The following PCDHGB5 variants were observed in gnomAD, a reference collection of about 807,000 sequenced individuals.
PCDHGB5 encodes the protein protocadherin gamma-B5.
In PCDHGB5, 48 loss-of-function variants were observed where a neutral mutation model predicts 62.9. The observed-to-expected ratio is 0.76, with a 90% CI of 0.61 to 0.97. The LOEUF (loss-of-function observed/expected upper bound fraction) is 0.97. Ranked by LOEUF, PCDHGB5 falls within the 50% of genes least tolerant of loss-of-function variation. The pLI is 0.00. For synonymous variants in PCDHGB5, 474 were observed against 511.2 expected (o/e 0.93, Z 0.98); for missense variants, 1,118 against 1,198.6 (o/e 0.93, Z 0.99).
At chr5:141,415,740 G>GTTTTTTTTTTTTTTTTT (rs57426385) in intron 1 of PCDHGB5, 21 of 625,042 alleles carry the variant, frequency 3.4e-5, no homozygotes, top group African/African-American at 7.5e-5. Flanking sequence ...GTTTATTAAG[G>GTTTTTTTTTTTTTTTTT]TTTTTTTTTT....
At position 141,502,487 on chromosome 5, in the gene PCDHGB5, C is replaced by T. The variant is rs563658817; in HGVS notation, c.2457-2906C>T. ...TACTTCCCGCAGCATCACACTGGGACTCATCTAACGTCGGCCTGTCCCACT... is the reference window on the plus strand; with the variant it reads ...TACTTCCCGCAGCATCACACTGGGATTCATCTAACGTCGGCCTGTCCCACT... On this transcript the variant is annotated intron_variant, in intron 2 of 3. Coordinates refer to ENST00000617380, the MANE Select transcript of PCDHGB5 (RefSeq NM_018925.3). Among the ~76,000 whole-genome samples, 92 of 152,298 alleles carry T rather than the reference C, an allele frequency of 6.0e-4. 3 individuals are homozygous for T. The highest frequency in any genetic ancestry group is 1.5e-4 in the Non-Finnish European group (10 of 68,030).
intron 1 of PCDHGB5, among the ~76,000 whole-genome samples, chr5:141,456,703 G>T (rs528071544): frequency 1.3e-5 from 2 of 152,062 alleles, no homozygotes; most frequent in Non-Finnish European, 2.9e-5. Context: ...GGTGGCTCGC[G>T]CCTGTAATCC....
At chr5:141,418,898 A>G (rs768409383) in intron 1 of PCDHGB5, 2 of 1,614,016 alleles carry the variant, frequency 1.2e-6, no homozygotes, top group South Asian at 2.2e-5. Flanking sequence ...CAGCCCAGAA[A>G]TAATCATCAC....
In PCDHGB5 at chr5:141,421,099, G is replaced by A. The variant is rs941392242; in HGVS notation, c.2397+20575G>A. ...GATACTCACAGATCCTGACACTGGA[G>A]ACTTAGAAGTATTTTCCTTCGCTTT... is the stretch of plus-strand genomic sequence containing the variant. On this transcript the variant is annotated intron_variant, in intron 1 of 3. Coordinates refer to ENST00000617380, the MANE Select transcript of PCDHGB5 (RefSeq NM_018925.3). 1.2e-5 allele frequency: 8 copies of A among 680,384 alleles called. No individual in the cohort carries two copies. In the Admixed American group the frequency reaches 1.2e-4, roughly 11 times the overall value. 42.1% of individuals were successfully genotyped at this position (680,384 alleles called of 1,614,324 possible).
rs978973236 is a variant in PCDHGB5, at chr5:141,399,545, C to G, written c.1418C>G (p.Ser473Trp). 8 of 1,614,050 alleles carry G rather than the reference C, an allele frequency of 5.0e-6. No homozygotes were observed. In the South Asian group the frequency reaches 6.6e-5, roughly 13 times the overall value. ...GCCTCCATCGCGCAAGTCTGCGCCT[C>G]GGACCTGGACTTGGGGTTGAACGGC... The part of the protein sequence containing the change: ...PGASIAQVCA[S>W]DLDLGLNGQV... Residue 473 changes from serine (S) to tryptophan (W), a missense_variant, in exon 1 of 4, where the codon TCG (serine) becomes TGG (tryptophan). Ser to Trp is a radical substitution (Grantham distance 177). This residue lies in a region of PCDHGB5 where 1,034 missense variants were observed against 1,029.1 expected (regional missense o/e 1.00). Transcript: ENST00000617380.
chr5:141,403,388 G>A (rs1376620471), intron 1 of PCDHGB5: 1 of 1,613,904 alleles, frequency 6.2e-7, no homozygotes, highest in African/African-American at 1.3e-5. Context: ...TAACGAAATC[G>A]CGGTTCCTGG....
rs748457785 is a variant in PCDHGB5 at position 141,489,197 on chromosome 5, A to G, written c.2398-5610A>G. On this transcript the variant is annotated intron_variant, in intron 1 of 3. Coordinates refer to ENST00000617380, the MANE Select transcript of PCDHGB5 (RefSeq NM_018925.3). This position sits in a 1 kb window ranked among gnomAD's most constrained non-coding sequence, Gnocchi z 4.5. ...TCCAAGCCCTGGGTCTACCTTGGAG[A>G]CAGGACAGCACAGACTTACTCTCCA... 7 of 1,391,050 alleles carry G rather than the reference A, an allele frequency of 5.0e-6. No individual in the cohort carries two copies. Among genetic ancestry groups the G allele is most frequent in the African/African-American group, 2.9e-5 (2 of 69,150 alleles). 86.2% of individuals were successfully genotyped at this position (1,391,050 alleles called of 1,614,324 possible).
At position 141,491,733 on chromosome 5, in the gene PCDHGB5, TGGGGGCGGCAC is replaced by T; in HGVS notation, c.2398-3073_2398-3063del. 1.9e-6 allele frequency: 3 copies of T among 1,602,698 alleles called. No individual in the cohort carries two copies. The highest frequency in any genetic ancestry group is 2.6e-6 in the Non-Finnish European group (3 of 1,175,258). On this transcript the variant is annotated intron_variant, in intron 1 of 3. Coordinates refer to ENST00000617380, the MANE Select transcript of PCDHGB5 (RefSeq NM_018925.3). The surrounding 1 kb of genome is among the most constrained non-coding windows in gnomAD (Gnocchi z 6.9). ...GCTCGGCGCCGCCCCGGGCGACCCC[TGGGGGCGGCAC>T]TGGAGAAGCCGCCCGTCCTCATAAG...
In PCDHGB5 at chr5:141,490,745, C is replaced by T. The variant is rs769031787; in HGVS notation, c.2398-4062C>T. 22 of 1,614,120 alleles carry T rather than the reference C, an allele frequency of 1.4e-5. No individual in the cohort carries two copies. Among genetic ancestry groups the T allele is most frequent in the Non-Finnish European group, 1.9e-5 (22 of 1,180,050 alleles). On this transcript the variant is annotated intron_variant, in intron 1 of 3. Transcript: ENST00000617380. The surrounding 1 kb of genome is among the most constrained non-coding windows in gnomAD (Gnocchi z 5.4). Reference sequence around the variant, plus strand: ...GTAGGAAATCAGGTTCAGGGAGCCCCAGCCTCCTCCTTTGTGTATGTCAAC... The same window carrying T: ...GTAGGAAATCAGGTTCAGGGAGCCCTAGCCTCCTCCTTTGTGTATGTCAAC...
intron 1 of PCDHGB5, among the ~76,000 whole-genome samples, chr5:141,454,252 A>T (rs1288181537): frequency 6.6e-6 from 1 of 152,214 alleles, no homozygotes; most frequent in Non-Finnish European, 1.5e-5. Context: ...AAGATGTCCC[A>T]GAGAAAGTAA....
chr5:141,448,945 A>G (rs1288079348), intron 1 of PCDHGB5, among the ~76,000 whole-genome samples: 1 of 151,716 alleles, frequency 6.6e-6, no homozygotes, highest in Non-Finnish European at 1.5e-5. Context: ...ACTGCAACTC[A>G]AAAAAACAAA....
At position 141,431,213 on chromosome 5, in the gene PCDHGB5, T is replaced by A; in HGVS notation, c.2397+30689T>A. 6.2e-7 allele frequency: 1 copy of A among 1,614,142 alleles called. No individual in the cohort carries two copies. The highest frequency in any genetic ancestry group is 8.5e-7 in the Non-Finnish European group (1 of 1,180,038). On this transcript the variant is annotated intron_variant, in intron 1 of 3. Coordinates refer to ENST00000617380, the MANE Select transcript of PCDHGB5 (RefSeq NM_018925.3). The surrounding 1 kb of genome is among the most constrained non-coding windows in gnomAD (Gnocchi z 4.8). ...TGAAAATGCAGCCACTGAGATGCGG[T>A]TCCCTCTACCCCACGCCTGGGATCC...
At chr5:141,510,509 C>G (rs146315792) in intron 3 of PCDHGB5, among the ~76,000 whole-genome samples, 13 of 152,204 alleles carry the variant, frequency 8.5e-5, no homozygotes, top group Non-Finnish European at 1.6e-4. Flanking sequence ...ACTGAGAGCC[C>G]GTGTCACAGC....
intron 1 of PCDHGB5, among the ~76,000 whole-genome samples, chr5:141,451,391 T>C (rs928399948): frequency 6.6e-6 from 1 of 152,162 alleles, no homozygotes; most frequent in Non-Finnish European, 1.5e-5. Context: ...ACATAGTTAA[T>C]GGCAAAATTA....
At chr5:141,446,642 A>T (rs939365233) in intron 1 of PCDHGB5, among the ~76,000 whole-genome samples, 2 of 151,970 alleles carry the variant, frequency 1.3e-5, no homozygotes, top group Admixed American at 1.3e-4. Flanking sequence ...ACGCCTGGCT[A>T]ATTTTTGTAT....
rs186109113 is a variant in PCDHGB5, at chr5:141,415,284, G to C, written c.2397+14760G>C. ...TGTACCTGGTGGTAGCGGTGGCCGCGGTCTCCTGCGTCTTCCTGGCCTTCG... is the reference window on the plus strand; with the variant it reads ...TGTACCTGGTGGTAGCGGTGGCCGCCGTCTCCTGCGTCTTCCTGGCCTTCG... On this transcript the variant is annotated intron_variant, in intron 1 of 3. Transcript: ENST00000617380. 4,314 of 1,614,198 alleles carry C rather than the reference G, an allele frequency of 2.7e-3. 11 individuals are homozygous for C. The highest frequency in any genetic ancestry group is 7.3e-3 in the Middle Eastern group (44 of 6,062).
At chr5:141,438,960 C>A (rs1398478011) in intron 1 of PCDHGB5, among the ~76,000 whole-genome samples, 1 of 151,940 alleles carries the variant, frequency 6.6e-6, no homozygotes, top group Non-Finnish European at 1.5e-5. Flanking sequence ...GCCACCGCAC[C>A]CTGCCAACTG....
At chr5:141,428,081 C>G (rs768842388) in intron 1 of PCDHGB5, 3 of 1,609,218 alleles carry the variant, frequency 1.9e-6, no homozygotes, top group South Asian at 2.2e-5. Context: ...CGGGACACAA[C>G]GCTTGGCTGT....
rs546603908 is a variant in PCDHGB5, at chr5:141,408,104, C to G, written c.2397+7580C>G. ...ACAGCGGATTGCCAGCTCCGAGACCCGGGACTCCTCCTGTCCTGGGCCGAA... is the reference window on the plus strand; with the variant it reads ...ACAGCGGATTGCCAGCTCCGAGACCGGGGACTCCTCCTGTCCTGGGCCGAA... On this transcript the variant is annotated intron_variant, in intron 1 of 3. Coordinates refer to ENST00000617380, the MANE Select transcript of PCDHGB5 (RefSeq NM_018925.3). The G allele has an allele frequency of 2.8e-3, 4,048 of 1,441,886 alleles. 13 individuals carry two copies. Among genetic ancestry groups the G allele is most frequent in the Admixed American group, 6.6e-3 (242 of 36,606 alleles). 89.3% of individuals were successfully genotyped at this position (1,441,886 alleles called of 1,614,324 possible). A position where few individuals can be genotyped will look rare whatever the true frequency, so the allele number is the denominator to read the frequency against.
Sources: allele counts gnomAD v4.1 joint callset (sites outside exome capture counted in the v4.1 genomes callset), GRCh38; gene constraint gnomAD v4.1.1; regional missense constraint gnomAD v4.1.1; non-coding constraint Gnocchi (gnomAD v3.1); transcripts MANE v1.5; gene names NCBI Gene and HGNC (gene_info 2026-07-23, HGNC 2026-07-21).